Variants in NRG1 observed in about 807,000 individuals in gnomAD.
NRG1 encodes the protein pro-neuregulin-1, membrane-bound isoform.
In NRG1, 18 loss-of-function variants were observed where a neutral mutation model predicts 63.8. The ratio of observed to expected loss-of-function variants is 0.28; its 90% CI spans 0.19 to 0.42. The LOEUF (loss-of-function observed/expected upper bound fraction) is 0.42. Among genes scored for constraint, NRG1 ranks in the 10% least tolerant of loss-of-function variants. NRG1 has a pLI of 1.00. For synonymous variants in NRG1, 302 were observed against 301.3 expected, an observed-to-expected ratio of 1.00 and a Z score of -0.02; for missense variants, 762 against 814.7, an observed-to-expected ratio of 0.94 and a Z score of 0.79.
chr8:32,333,068 AT>A (rs1351925296), intron 1 of NRG1, among the ~76,000 whole-genome samples: 14 of 152,118 alleles, frequency 9.2e-5, no homozygotes, highest in African/African-American at 3.4e-4. Context: ...CAATATAACC[AT>A]TTTTTTAAAG....
At chr8:31,738,985 C>A (rs1490295596) in intron 1 of NRG1, among the ~76,000 whole-genome samples, 2 of 152,076 alleles carry the variant, frequency 1.3e-5, no homozygotes, top group Non-Finnish European at 2.9e-5. Context: ...GACTTTAACA[C>A]ACCTCCTTTG....
At chr8:31,959,154 T>C (rs1804985512) in intron 1 of NRG1, among the ~76,000 whole-genome samples, 2 of 152,234 alleles carry the variant, frequency 1.3e-5, no homozygotes, top group Non-Finnish European at 2.9e-5. Context: ...TCTTTCCCTT[T>C]TACTACTCTA....
intron 1 of NRG1, among the ~76,000 whole-genome samples, chr8:32,119,918 T>G (rs1412013785): frequency 1.3e-5 from 2 of 152,116 alleles, no homozygotes; most frequent in African/African-American, 4.8e-5. Context: ...CTCTAAAAAA[T>G]ACAATTGATT....
At chr8:31,793,976 ATCTCT>A (rs1820956891) in intron 1 of NRG1, among the ~76,000 whole-genome samples, 1 of 150,112 alleles carries the variant, frequency 6.7e-6, no homozygotes, top group East Asian at 2.0e-4. Context: ...TCTCTTTGGA[ATCTCT>A]TCTCTTAACT....
chr8:32,191,190 T>C (rs1382394243), intron 1 of NRG1, among the ~76,000 whole-genome samples: 1 of 151,938 alleles, frequency 6.6e-6, no homozygotes, highest in Non-Finnish European at 1.5e-5. Context: ...ATTCAAGAGA[T>C]TCTTCTGCCT....
intron 1 of NRG1, among the ~76,000 whole-genome samples, chr8:32,016,738 C>A (rs1815609997): frequency 6.6e-6 from 1 of 151,764 alleles, no homozygotes; most frequent in African/African-American, 2.4e-5. Context: ...ATATAATAAC[C>A]AGCCATATTA....
At chr8:31,656,354 T>A (rs906700210) in intron 1 of NRG1, among the ~76,000 whole-genome samples, 4 of 152,194 alleles carry the variant, frequency 2.6e-5, no homozygotes, top group African/African-American at 9.7e-5. Context: ...TGGTGACTAT[T>A]GCCACACATT....
intron 1 of NRG1, among the ~76,000 whole-genome samples, chr8:31,717,246 A>G (rs149923879): frequency 3.3e-5 from 5 of 151,988 alleles, no homozygotes; most frequent in Admixed American, 6.6e-5. Flanking sequence ...GTGTCTACTA[A>G]AAAAACAAAA....
intron 1 of NRG1, among the ~76,000 whole-genome samples, chr8:32,030,933 A>G (rs1818167779): frequency 6.6e-6 from 1 of 152,082 alleles, no homozygotes; most frequent in Non-Finnish European, 1.5e-5. Context: ...AATACTAACA[A>G]CTCAATGAAA....
chr8:31,926,789 A>C (rs1834393287), intron 1 of NRG1, among the ~76,000 whole-genome samples: 1 of 152,052 alleles, frequency 6.6e-6, no homozygotes, highest in East Asian at 1.9e-4. Context: ...AATGGCCAAG[A>C]AGAAGACTCT....
rs180699344 is a variant in NRG1, at chr8:32,571,769, G to A, written c.100+22943G>A. On this transcript the variant is annotated intron_variant, in intron 1 of 11. Transcript: ENST00000356819. ...AGTAAATTGAGTGACTTGCAATTAA[G>A]GTACAACAGAAGCAGAATTTTCAAA... Among the ~76,000 whole-genome samples, 12 of 152,052 alleles carry A rather than the reference G, an allele frequency of 7.9e-5. No homozygotes were observed. In the East Asian group the frequency reaches 1.4e-3, roughly 17 times the overall value.
chr8:32,654,126 A>G (rs1183324599), intron 5 of NRG1, among the ~76,000 whole-genome samples: 2 of 152,218 alleles, frequency 1.3e-5, no homozygotes, highest in East Asian at 3.8e-4. Flanking sequence ...GCCCAGTGTC[A>G]CTACAACCAA....
chr8:31,927,016 A>ATT (rs201912773), intron 1 of NRG1, among the ~76,000 whole-genome samples: 1 of 151,846 alleles, frequency 6.6e-6, no homozygotes, highest in African/African-American at 2.4e-5. Context: ...CATTTTTCTG[A>ATT]TTTTTTTTAG....
intron 1 of NRG1, among the ~76,000 whole-genome samples, chr8:32,107,953 C>G (rs1831493039): frequency 6.6e-6 from 1 of 152,174 alleles, no homozygotes; most frequent in Non-Finnish European, 1.5e-5. Context: ...TCTGTTTACA[C>G]TGTGAGTTTG....
At chr8:32,695,038 T>C (rs914043959) in intron 5 of NRG1, among the ~76,000 whole-genome samples, 27 of 152,114 alleles carry the variant, frequency 1.8e-4, no homozygotes, top group Non-Finnish European at 1.5e-5. Context: ...TACTAAAATA[T>C]ACCAGCAAAG....
At chr8:32,522,822 T>C (rs76107422) in intron 1 of NRG1, among the ~76,000 whole-genome samples, 1 of 151,874 alleles carries the variant, frequency 6.6e-6, no homozygotes, top group Non-Finnish European at 1.5e-5. Flanking sequence ...TTTTTTTTTT[T>C]TGAGACAGGG....
At chr8:31,886,764 A>G (rs1270924699) in intron 1 of NRG1, among the ~76,000 whole-genome samples, 1 of 152,058 alleles carries the variant, frequency 6.6e-6, no homozygotes, top group African/African-American at 2.4e-5. Context: ...CATGCTCTAG[A>G]TCATGCATGC....
chr8:31,707,309 T>C (rs145706769), intron 1 of NRG1, among the ~76,000 whole-genome samples: 2,118 of 152,256 alleles, frequency 0.014, 54 homozygotes, highest in African/African-American at 0.047. Flanking sequence ...CACTAAATTC[T>C]TCTCTATGTT....
At chr8:32,656,018 CTA>C (rs1801404498) in intron 5 of NRG1, among the ~76,000 whole-genome samples, 1 of 152,132 alleles carries the variant, frequency 6.6e-6, no homozygotes, top group East Asian at 1.9e-4. Context: ...GAATTAACGT[CTA>C]TGAGTTGTTT....
Sources: gnomAD v4.1 joint callset for allele counts (sites outside exome capture counted in the v4.1 genomes callset) on GRCh38, gnomAD v4.1.1 for gene constraint, MANE v1.5 for transcripts, NCBI Gene and HGNC (gene_info 2026-07-23, HGNC 2026-07-21) for gene names.